Variants in ADGRV1 observed in about 807,000 individuals in gnomAD.
ADGRV1 encodes G-protein coupled receptor 98.
In ADGRV1, 359 loss-of-function variants were observed where a neutral mutation model predicts 596.2. The ratio of observed to expected loss-of-function variants is 0.60; its 90% CI spans 0.55 to 0.66. The LOEUF (loss-of-function observed/expected upper bound fraction) is 0.66, where lower values mean the gene tolerates loss of function less well. Among genes scored for constraint, ADGRV1 ranks in the 30% least tolerant of loss-of-function variants. ADGRV1 has a pLI of 0.00. For synonymous variants in ADGRV1, 2,681 were observed against 2,679.2 expected (o/e 1.00, Z -0.02); for missense variants, 7,274 against 7,575.6 (o/e 0.96, Z 1.48).
chr5:90,853,964 T>A (rs1766780111), intron 80 of ADGRV1, 98 bp from the exon 81 acceptor site: 1 of 827,012 alleles, frequency 1.2e-6, no homozygotes, highest in African/African-American at 1.7e-5. Flanking sequence ...AACAAATGAC[T>A]GTAGCTACTA....
rs183711789 is a variant in ADGRV1, at chr5:90,794,367, A to G, written c.14517+3021A>G. Among the ~76,000 whole-genome samples the G allele has an allele frequency of 1.9e-4, 29 of 152,326 alleles. No homozygotes were observed. In the East Asian group the frequency reaches 5.0e-3, roughly 26 times the overall value. ...GCTGGCTTTTTTTTATGAGGCACAG[A>G]CTGACAATAAGAATCATTGACCTGC... On this transcript the variant is annotated intron_variant, in intron 70 of 89. Transcript: ENST00000405460.
chr5:90,617,976 T>TA, intron 3 of ADGRV1, 23 bp downstream of exon 3: 9 of 1,510,510 alleles, frequency 6.0e-6, no homozygotes, highest in Non-Finnish European at 8.0e-6. Context: ...TTCCTCCTTA[T>TA]AAAAATTATA....
chr5:91,056,725 T>G (rs1468447048), intron 85 of ADGRV1, among the ~76,000 whole-genome samples: 1 of 152,144 alleles, frequency 6.6e-6, no homozygotes, highest in Non-Finnish European at 1.5e-5. Context: ...GCTTCTTATC[T>G]TCAAGGCTGT....
At position 90,690,049 on chromosome 5, in the gene ADGRV1, G is replaced by T; in HGVS notation, c.6679G>T (p.Ala2227Ser). The T allele has an allele frequency of 1.3e-6, 2 of 1,579,530 alleles. No homozygotes were observed. The highest frequency in any genetic ancestry group is 1.7e-6 in the Non-Finnish European group (2 of 1,159,932). The change falls in exon 30 of 90, where the codon GCC becomes TCC. Residue 2227 changes from alanine (A) to serine (S), a missense_variant. This residue lies in a region of ADGRV1 where 3,643 missense variants were observed against 3,809.2 expected (regional missense o/e 0.96). Coordinates refer to ENST00000405460, the MANE Select transcript of ADGRV1 (RefSeq NM_032119.4). ...AACAGAGGCAGTCATTATTATTGAG[G>T]CCTCTGATGACCCCTATGGATTATT... ...ALTEAVIIIE[A>S]SDDPYGLFGF...
At chr5:90,679,655 A>G (rs772330930) in intron 26 of ADGRV1, 26 bp downstream of exon 26, 2 of 1,525,438 alleles carry the variant, frequency 1.3e-6, no homozygotes, top group East Asian at 4.5e-5. Context: ...AAGGTCCTTT[A>G]CTATTATAGG....
At position 90,564,787 on chromosome 5, in the gene ADGRV1, C is replaced by T. The variant is rs1403524655; in HGVS notation, c.22+5870C>T. Among the ~76,000 whole-genome samples the T allele has an allele frequency of 4.3e-4, 39 of 90,282 alleles. 6 individuals carry two copies. Among genetic ancestry groups the T allele is most frequent in the African/African-American group, 1.6e-3 (28 of 17,634 alleles). 59.2% of individuals were successfully genotyped at this position (90,282 alleles called of 152,430 possible). On this transcript the variant is annotated intron_variant, in intron 1 of 89. Coordinates refer to ENST00000405460, the MANE Select transcript of ADGRV1 (RefSeq NM_032119.4). The stretch of plus-strand genomic sequence containing the variant: ...GACTACAGGCGCCCGCCACTGCGCC[C>T]GGCTAATTTTTTGTATTTTTAGTAG...
chr5:91,105,041 G>A (rs1791733149), intron 87 of ADGRV1, among the ~76,000 whole-genome samples: 1 of 151,582 alleles, frequency 6.6e-6, no homozygotes, highest in East Asian at 1.9e-4. Context: ...TTGTTTGTTT[G>A]TTTGTTTTGT....
At chr5:90,669,540 G>A (rs1772123166) in intron 21 of ADGRV1, among the ~76,000 whole-genome samples, 1 of 152,260 alleles carries the variant, frequency 6.6e-6, no homozygotes, top group Admixed American at 6.5e-5. Flanking sequence ...AACCACAATA[G>A]ATATGGCATA....
intron 45 of ADGRV1, among the ~76,000 whole-genome samples, chr5:90,722,649 A>T (rs1297941459): frequency 7.8e-6 from 1 of 128,094 alleles, no homozygotes; most frequent in African/African-American, 2.9e-5. Flanking sequence ...TGGGAGGTGG[A>T]GGATGCCGTG....
intron 33 of ADGRV1, 70 bp from the exon 34 acceptor site, chr5:90,696,867 T>G: frequency 9.7e-7 from 1 of 1,029,660 alleles, no homozygotes; most frequent in Non-Finnish European, 1.4e-6. Context: ...GAAATTATTT[T>G]GGGCCTTTCT....
At chr5:90,617,741 C>A (rs1763550470) in intron 2 of ADGRV1, 63 bp from the exon 3 acceptor site, 1 of 1,324,006 alleles carries the variant, frequency 7.6e-7, no homozygotes, top group Non-Finnish European at 1.0e-6. Context: ...CTGTAATTAA[C>A]ATCAGTTTTA....
chr5:90,596,195 G>A (rs1037758687), intron 1 of ADGRV1, among the ~76,000 whole-genome samples: 8 of 148,286 alleles, frequency 5.4e-5, no homozygotes, highest in South Asian at 2.2e-4. Context: ...GACGATGGGC[G>A]GCCGGGCAGA....
In ADGRV1 at chr5:90,810,373, T is replaced by C. The variant is rs192561791; in HGVS notation, c.15113T>C (p.Ile5038Thr). Residue 5038 changes from isoleucine (I) to threonine (T), a missense_variant, in exon 74 of 90, where the codon ATT becomes ACT. This residue lies in a region of ADGRV1 where 1,874 missense variants were observed against 1,970.2 expected (regional missense o/e 0.95). Coordinates refer to ENST00000405460, the MANE Select transcript of ADGRV1 (RefSeq NM_032119.4). ...QRLFGFHSDL[I>T]KVSYQTTAGS... ...CTATTTGGGTTCCACAGCGATCTTA[T>C]TAAAGTTTCTTATCAGACCACTGCA... 7.6e-5 allele frequency: 123 copies of C among 1,613,816 alleles called. No homozygotes were observed. The Admixed American group carries it at 1.7e-3, about 23-fold the overall frequency.
intron 71 of ADGRV1, among the ~76,000 whole-genome samples, chr5:90,803,929 G>C (rs956781711): frequency 6.6e-6 from 1 of 152,028 alleles, no homozygotes; most frequent in Non-Finnish European, 1.5e-5. Context: ...AAAGGGCAAG[G>C]TTAGAGTCCA....
At chr5:91,015,271 G>A (rs551433752) in intron 85 of ADGRV1, among the ~76,000 whole-genome samples, 1 of 152,024 alleles carries the variant, frequency 6.6e-6, no homozygotes, top group African/African-American at 2.4e-5. Context: ...TGGTTCTTTT[G>A]CATTTACTGA....
At chr5:90,729,546 GT>G in intron 49 of ADGRV1, 95 bp from the exon 50 acceptor site, 1 of 954,380 alleles carries the variant, frequency 1.0e-6, no homozygotes, top group Non-Finnish European at 1.6e-6. Context: ...GAGGAAATTT[GT>G]TTCTTGATAT....
At chr5:91,103,122 C>T (rs141986008) in intron 87 of ADGRV1, among the ~76,000 whole-genome samples, 1 of 152,274 alleles carries the variant, frequency 6.6e-6, no homozygotes, top group Non-Finnish European at 1.5e-5. Flanking sequence ...AGAATTGTAG[C>T]ATACAATTGA....
intron 83 of ADGRV1, among the ~76,000 whole-genome samples, chr5:90,963,763 T>C (rs571900270): frequency 6.6e-6 from 1 of 151,360 alleles, no homozygotes; most frequent in African/African-American, 2.4e-5. Flanking sequence ...TGTCTGTAGC[T>C]TGAAAAAAAA....
chr5:91,041,042 G>A (rs892337954), intron 85 of ADGRV1, among the ~76,000 whole-genome samples: 2 of 152,138 alleles, frequency 1.3e-5, no homozygotes, highest in Non-Finnish European at 2.9e-5. Context: ...GTTGGTGGGA[G>A]TGTAAATTAG....
Sources: allele counts gnomAD v4.1 joint callset (sites outside exome capture counted in the v4.1 genomes callset), GRCh38; gene constraint gnomAD v4.1.1; regional missense constraint gnomAD v4.1.1; transcripts MANE v1.5; gene names NCBI Gene and HGNC (gene_info 2026-07-23, HGNC 2026-07-21).